Variants in GLDC observed in about 807,000 individuals in gnomAD.
The protein encoded by GLDC is glycine dehydrogenase (decarboxylating), mitochondrial.
A neutral mutation model predicts 121.3 loss-of-function variants in GLDC; 104 were observed. The ratio of observed to expected loss-of-function variants is 0.86; its 90% CI spans 0.73 to 1.01. The LOEUF (loss-of-function observed/expected upper bound fraction) is 1.01, where lower values mean the gene tolerates loss of function less well. Among genes scored for constraint, GLDC ranks in the 50% least tolerant of loss-of-function variants. The pLI is 0.00. For missense variants in GLDC, 1,429 were observed against 1,306.6 expected (o/e 1.09, Z -1.44); for synonymous variants, 546 against 480.6 (o/e 1.14, Z -1.78).
In GLDC at chr9:6,623,212, T is replaced by G. The variant is rs1402709886; in HGVS notation, c.335-2893A>C. ...GGGAAAAGATTGAGAAATCGGATGG[T>G]TGCTGTGTCTGTGTAGAAAGAAGTA... On this transcript the variant is annotated intron_variant, in intron 2 of 24. Coordinates refer to ENST00000321612, the MANE Select transcript of GLDC (RefSeq NM_000170.3). 1.7e-5 allele frequency: 3 copies of G among 178,222 alleles called. No homozygotes were observed. In the South Asian group the frequency reaches 2.3e-4, roughly 14 times the overall value. 11.0% of individuals were successfully genotyped at this position (178,222 alleles called of 1,614,324 possible).
intron 2 of GLDC, among the ~76,000 whole-genome samples, chr9:6,629,221 A>T (rs1008614582): frequency 4.1e-5 from 6 of 145,362 alleles, no homozygotes; most frequent in Non-Finnish European, 9.0e-5. Flanking sequence ...TTAAATATTC[A>T]TTTTTTTTTT....
chr9:6,619,723 G>A (rs914681365), intron 3 of GLDC, among the ~76,000 whole-genome samples: 5 of 152,240 alleles, frequency 3.3e-5, no homozygotes, highest in Admixed American at 1.3e-4. Flanking sequence ...GCAAGACTCC[G>A]TCTGGGCAGG....
chr9:6,605,029 G>A, intron 6 of GLDC, 102 bp downstream of exon 6: 1 of 1,184,200 alleles, frequency 8.4e-7, no homozygotes, highest in Non-Finnish European at 1.3e-6. Context: ...TGTGATAATG[G>A]TAAAGAAATT....
Position 6,604,709 on chromosome 9 carries a change from C to A in GLDC, c.937G>T (p.Ala313Ser), listed in dbSNP as rs386833592. The A allele has an allele frequency of 3.7e-6, 6 of 1,614,022 alleles. No individual in the cohort carries two copies. The South Asian group carries it at 5.5e-5, about 15-fold the overall frequency. ...CCAAATCTCTGGGAGCTGCCCAGGG[C>A]GATGTCTACCCCAAATTCTCCAGGT... ...RPPGEFGVDI[A>S]LGSSQRFGVP... The change falls in exon 7 of 25, where the codon GCC becomes TCC. Residue 313 changes from alanine to serine, a missense_variant. Coordinates refer to ENST00000321612, the MANE Select transcript of GLDC (RefSeq NM_000170.3).
intron 20 of GLDC, among the ~76,000 whole-genome samples, chr9:6,553,099 G>GA (rs1817549386): frequency 6.6e-6 from 1 of 152,052 alleles, no homozygotes; most frequent in Admixed American, 6.6e-5. Flanking sequence ...GCTGTGTCTG[G>GA]AAAAATATAT....
At chr9:6,593,089 C>G in intron 9 of GLDC, 99 bp from the exon 10 acceptor site, 2 of 1,296,952 alleles carry the variant, frequency 1.5e-6, no homozygotes, top group Non-Finnish European at 2.2e-6. Flanking sequence ...CTACTAGACT[C>G]TTGTTGGTCC....
chr9:6,556,598 G>C (rs1361612289), intron 17 of GLDC, among the ~76,000 whole-genome samples: 2 of 152,118 alleles, frequency 1.3e-5, no homozygotes, highest in African/African-American at 4.8e-5. Flanking sequence ...TTCGAGACCA[G>C]CCTGGCCAAC....
chr9:6,596,418 A>C (rs906982246), intron 8 of GLDC, among the ~76,000 whole-genome samples: 38 of 152,332 alleles, frequency 2.5e-4, no homozygotes, highest in African/African-American at 8.7e-4. Flanking sequence ...CAAGAAAATG[A>C]CAATTTCTTT....
chr9:6,608,330 G>T (rs1271236222), intron 4 of GLDC, among the ~76,000 whole-genome samples: 2 of 150,986 alleles, frequency 1.3e-5, no homozygotes, highest in South Asian at 4.2e-4. Context: ...GCTGAGGCAG[G>T]AGAATGACGT....
At chr9:6,638,316 C>T (rs968696911) in intron 2 of GLDC, among the ~76,000 whole-genome samples, 1 of 151,972 alleles carries the variant, frequency 6.6e-6, no homozygotes, top group Non-Finnish European at 1.5e-5. Flanking sequence ...TCAAGCGATT[C>T]TTCTGCCTCG....
intron 24 of GLDC, 143 bp downstream of exon 24, chr9:6,534,565 C>G: frequency 1.5e-6 from 1 of 653,946 alleles, no homozygotes; most frequent in Middle Eastern, 2.5e-4. Flanking sequence ...AATTTCTTTG[C>G]TCCTCATTCC....
At chr9:6,560,755 G>C (rs372583967) in intron 16 of GLDC, among the ~76,000 whole-genome samples, 1 of 152,184 alleles carries the variant, frequency 6.6e-6, no homozygotes, top group Non-Finnish European at 1.5e-5. Flanking sequence ...TGAATAACGG[G>C]CTCCCAAAGA....
intron 15 of GLDC, among the ~76,000 whole-genome samples, chr9:6,583,096 A>G (rs1338599152): frequency 6.6e-6 from 1 of 152,118 alleles, no homozygotes; most frequent in African/African-American, 2.4e-5. Flanking sequence ...AGAAATCAGA[A>G]CCCTTGTGCA....
At chr9:6,593,038 C>T in intron 9 of GLDC, 48 bp from the exon 10 acceptor site, 2 of 1,597,266 alleles carry the variant, frequency 1.3e-6, no homozygotes, top group Non-Finnish European at 1.7e-6. Flanking sequence ...AAACCTGCTC[C>T]TCAGCCATTG....
At chr9:6,635,946 T>C (rs1226538360) in intron 2 of GLDC, among the ~76,000 whole-genome samples, 1 of 152,212 alleles carries the variant, frequency 6.6e-6, no homozygotes, top group Admixed American at 6.5e-5. Flanking sequence ...ACAGATGTTA[T>C]ACTACAGTTG....
intron 21 of GLDC, chr9:6,541,607 G>T (rs572174693): frequency 2.6e-5 from 4 of 151,998 alleles, no homozygotes; most frequent in Admixed American, 6.6e-5. Flanking sequence ...CAAATCACTT[G>T]AGGTCAGGAG....
intron 17 of GLDC, 68 bp from the exon 18 acceptor site, chr9:6,556,370 C>G (rs1225804894): frequency 7.7e-7 from 1 of 1,303,248 alleles, no homozygotes; most frequent in Non-Finnish European, 1.1e-6. Context: ...CAAATCCTCG[C>G]CTTTCATTTT....
chr9:6,540,410 C>T lies in GLDC; in HGVS notation c.2570-264G>A, dbSNP rs147032304. 2.3e-3 allele frequency: 1,069 copies of T among 454,918 alleles called. 9 individuals carry two copies. Among genetic ancestry groups the T allele is most frequent in the African/African-American group, 0.019 (966 of 50,456 alleles). The allele number at this position is 454,918 out of a possible 1,614,324, so 28.2% of individuals were successfully genotyped here. Reference sequence around the variant, plus strand: ...CTGTGAACCTGATTATGGCTAATGGCAGGTGGGGGGCATTACTGAACATAT... The same window carrying T: ...CTGTGAACCTGATTATGGCTAATGGTAGGTGGGGGGCATTACTGAACATAT... On this transcript the variant is annotated intron_variant, in intron 21 of 24. Transcript: ENST00000321612.
intron 2 of GLDC, among the ~76,000 whole-genome samples, chr9:6,620,994 C>A (rs536427424): frequency 6.6e-6 from 1 of 152,176 alleles, no homozygotes; most frequent in African/African-American, 2.4e-5. Context: ...GCGGTGAAAC[C>A]CCGTCTCTAC....
Sources: gnomAD v4.1 joint callset for allele counts (sites outside exome capture counted in the v4.1 genomes callset) on GRCh38, gnomAD v4.1.1 for gene constraint, MANE v1.5 for transcripts, NCBI Gene and HGNC (gene_info 2026-07-23, HGNC 2026-07-21) for gene names.